EPC2: variants seen among roughly 807,000 people sequenced by gnomAD.
The protein encoded by EPC2 is enhancer of polycomb homolog 2.
In EPC2, 14 loss-of-function variants were observed where a neutral mutation model predicts 92.1. That is an observed-to-expected ratio of 0.15 (90% CI 0.10 to 0.24). EPC2 has a LOEUF of 0.24. EPC2 is among the 10% of genes least tolerant of loss of function. The pLI is 1.00. For synonymous variants in EPC2, 340 were observed against 334.7 expected (o/e 1.02, Z -0.17); for missense variants, 755 against 971.5 (o/e 0.78, Z 2.96).
intron 1 of EPC2, among the ~76,000 whole-genome samples, chr2:148,656,929 A>G (rs958354321): frequency 7.9e-5 from 12 of 152,224 alleles, no homozygotes; most frequent in African/African-American, 2.4e-4. Context: ...CTAATTGACT[A>G]TAATGTACTA....
At chr2:148,714,721 G>A (rs1280799681) in intron 2 of EPC2, among the ~76,000 whole-genome samples, 2 of 152,174 alleles carry the variant, frequency 1.3e-5, no homozygotes, top group Non-Finnish European at 2.9e-5. Flanking sequence ...TTGGAGAAGT[G>A]TCTGTTCATG....
intron 1 of EPC2, among the ~76,000 whole-genome samples, chr2:148,680,170 C>T (rs1386559555): frequency 1.4e-5 from 2 of 146,186 alleles, no homozygotes; most frequent in Non-Finnish European, 3.0e-5. Context: ...TTTATTTCTT[C>T]TTTTGCCCTG....
At chr2:148,767,440 T>C (rs572199927) in intron 7 of EPC2, among the ~76,000 whole-genome samples, 1 of 152,312 alleles carries the variant, frequency 6.6e-6, no homozygotes, top group South Asian at 2.1e-4. Flanking sequence ...TGATTGTTTG[T>C]ATTAGGTCTT....
At chr2:148,772,504 A>C (rs1465214889) in intron 10 of EPC2, among the ~76,000 whole-genome samples, 2 of 152,144 alleles carry the variant, frequency 1.3e-5, no homozygotes, top group African/African-American at 2.4e-5. Flanking sequence ...ATTTGGTCTC[A>C]ATAATGTTCA....
intron 2 of EPC2, among the ~76,000 whole-genome samples, chr2:148,713,644 C>T (rs1386082643): frequency 1.3e-5 from 2 of 152,066 alleles, no homozygotes; most frequent in South Asian, 4.2e-4. Context: ...TTATGATGTG[C>T]CCTATACAGT....
At chr2:148,751,207 TA>T (rs1683077609) in intron 3 of EPC2, among the ~76,000 whole-genome samples, 1 of 152,172 alleles carries the variant, frequency 6.6e-6, no homozygotes, top group Non-Finnish European at 1.5e-5. Flanking sequence ...CAATGTTTTA[TA>T]AATTAGAATA....
At chr2:148,704,296 G>A (rs1188532803) in intron 2 of EPC2, among the ~76,000 whole-genome samples, 1 of 152,148 alleles carries the variant, frequency 6.6e-6, no homozygotes, top group Non-Finnish European at 1.5e-5. Flanking sequence ...ATTATCTGAG[G>A]TACTTAGAGT....
At chr2:148,681,258 ATT>A (rs113551392) in intron 1 of EPC2, among the ~76,000 whole-genome samples, 3 of 150,614 alleles carry the variant, frequency 2.0e-5, no homozygotes, top group African/African-American at 7.3e-5. Flanking sequence ...GATAAAAGAG[ATT>A]TTTTTTTTCC....
intron 3 of EPC2, among the ~76,000 whole-genome samples, chr2:148,745,793 T>C (rs1682975402): frequency 6.6e-6 from 1 of 152,120 alleles, no homozygotes; most frequent in East Asian, 1.9e-4. Flanking sequence ...TACTAGGTCC[T>C]GGGACAAGGA....
At chr2:148,656,982 T>C (rs571905969) in intron 1 of EPC2, among the ~76,000 whole-genome samples, 1 of 152,306 alleles carries the variant, frequency 6.6e-6, no homozygotes, top group East Asian at 1.9e-4. Flanking sequence ...GATTCCTGTA[T>C]GCCAGAATGC....
intron 2 of EPC2, among the ~76,000 whole-genome samples, chr2:148,702,700 G>A (rs1424846403): frequency 6.6e-6 from 1 of 152,180 alleles, no homozygotes; most frequent in African/African-American, 2.4e-5. Flanking sequence ...TTGTATAAGG[G>A]ACCACACCTG....
At chr2:148,754,549 C>G (rs1683144878) in intron 4 of EPC2, among the ~76,000 whole-genome samples, 1 of 152,174 alleles carries the variant, frequency 6.6e-6, no homozygotes, top group African/African-American at 2.4e-5. Context: ...AATACTACTA[C>G]TATTCCTTGT....
At chr2:148,764,421 A>T (rs1265581274) in intron 6 of EPC2, among the ~76,000 whole-genome samples, 1 of 152,140 alleles carries the variant, frequency 6.6e-6, no homozygotes, top group East Asian at 1.9e-4. Flanking sequence ...AGCCTGGGGG[A>T]CTTCAGAACG....
intron 2 of EPC2, among the ~76,000 whole-genome samples, chr2:148,690,897 A>G (rs1431467588): frequency 1.3e-5 from 2 of 152,192 alleles, no homozygotes; most frequent in Non-Finnish European, 2.9e-5. Context: ...TCCTGACCTC[A>G]GTTGATCCAC....
At chr2:148,653,055 G>A (rs907447222) in intron 1 of EPC2, among the ~76,000 whole-genome samples, 11 of 152,166 alleles carry the variant, frequency 7.2e-5, no homozygotes, top group Admixed American at 3.9e-4. Context: ...GCATGTGCAC[G>A]AGAGAGAGTA....
chr2:148,662,315 G>A (rs962203263), intron 1 of EPC2, among the ~76,000 whole-genome samples: 1 of 152,120 alleles, frequency 6.6e-6, no homozygotes, highest in African/African-American at 2.4e-5. Flanking sequence ...TCCCATTACT[G>A]GGTATATACC....
chr2:148,729,052 A>G (rs1044083829), intron 2 of EPC2, among the ~76,000 whole-genome samples: 28 of 149,602 alleles, frequency 1.9e-4, no homozygotes, highest in African/African-American at 6.9e-4. Context: ...AAAAAAAAAA[A>G]AAAAAGCAAA....
chr2:148,757,221 A>G (rs1350153510), intron 4 of EPC2, among the ~76,000 whole-genome samples: 1 of 151,930 alleles, frequency 6.6e-6, no homozygotes, highest in African/African-American at 2.4e-5. Context: ...CTAAAAATAC[A>G]AAAAATTAGC....
At chr2:148,675,679 C>G (rs1189193183) in intron 1 of EPC2, among the ~76,000 whole-genome samples, 1 of 152,198 alleles carries the variant, frequency 6.6e-6, no homozygotes, top group East Asian at 1.9e-4. Flanking sequence ...TATCTATCCT[C>G]TCTCCTGCTC....
Sources: allele counts gnomAD v4.1 joint callset (sites outside exome capture counted in the v4.1 genomes callset), GRCh38; gene constraint gnomAD v4.1.1; transcripts MANE v1.5; gene names NCBI Gene and HGNC (gene_info 2026-07-23, HGNC 2026-07-21).